ATP6V1E1: variants seen among roughly 807,000 people sequenced by gnomAD.
ATP6V1E1 encodes the protein ATPase H+ transporting V1 subunit E1, also known as V-type proton ATPase subunit E 1.
ATP6V1E1 carries 21 observed loss-of-function variants against 35.2 expected under a neutral mutation model. The observed-to-expected ratio is 0.60, with a 90% CI of 0.42 to 0.86. The LOEUF is 0.86. Among genes scored for constraint, ATP6V1E1 ranks in the 40% least tolerant of loss-of-function variants. The pLI is 0.00. For missense variants in ATP6V1E1, 183 were observed against 272.6 expected (o/e 0.67, Z 2.32); for synonymous variants, 83 against 87.8 (o/e 0.95, Z 0.30).
chr22:17,599,313 G>A (rs2111348), intron 6 of ATP6V1E1, among the ~76,000 whole-genome samples: 77,549 of 150,414 alleles, frequency 0.52, 21,583 homozygotes, highest in African/African-American at 0.73. Flanking sequence ...ACGGTGGCTC[G>A]CACCTGTAAT....
At chr22:17,597,243 TA>T (rs113528640) in intron 7 of ATP6V1E1, among the ~76,000 whole-genome samples, 2,220 of 139,790 alleles carry the variant, frequency 0.016, 41 homozygotes, top group African/African-American at 0.047. Flanking sequence ...CTGCCTGTCT[TA>T]AAAAAAAAAA....
intron 6 of ATP6V1E1, 90 bp downstream of exon 6, chr22:17,599,937 A>C: frequency 9.6e-7 from 1 of 1,040,084 alleles, no homozygotes; most frequent in Non-Finnish European, 1.4e-6. Context: ...AAAAAAAGAA[A>C]AGGAAGGAAG....
chr22:17,592,401 C>T lies in ATP6V1E1; in HGVS notation c.*273G>A. ...TGGAGACCCAGGAAGCCCATGCAAC[C>T]ACCATCTGCCCCCTCCCCTAGTGCT... On this transcript the variant is annotated 3_prime_UTR_variant, in exon 9 of 9. Coordinates refer to ENST00000253413, the MANE Select transcript of ATP6V1E1 (RefSeq NM_001696.4). 1 of 451,124 alleles carries T rather than the reference C, an allele frequency of 2.2e-6. No individual in the cohort carries two copies. Among genetic ancestry groups the T allele is most frequent in the African/African-American group, 2.0e-5 (1 of 50,378 alleles). 27.9% of individuals were successfully genotyped at this position (451,124 alleles called of 1,614,324 possible).
At chr22:17,627,429 C>T (rs1298096797) in intron 1 of ATP6V1E1, among the ~76,000 whole-genome samples, 1 of 151,866 alleles carries the variant, frequency 6.6e-6, no homozygotes, top group Admixed American at 6.6e-5. Context: ...ATGCCCGGCC[C>T]CAGCCTGTAT....
chr22:17,628,476 G>C (rs1257890179), intron 1 of ATP6V1E1, 127 bp downstream of exon 1: 3 of 1,317,894 alleles, frequency 2.3e-6, no homozygotes, highest in Non-Finnish European at 3.2e-6. Flanking sequence ...TGGATCTGGT[G>C]ACTTGGAGCA....
At chr22:17,596,669 C>T (rs76068291) in intron 7 of ATP6V1E1, among the ~76,000 whole-genome samples, 3,586 of 152,138 alleles carry the variant, frequency 0.024, 172 homozygotes, top group African/African-American at 0.082. Context: ...ACTGAATAAA[C>T]GAGTCCAAGA....
rs560432289 is a variant in ATP6V1E1 at position 17,598,129 on chromosome 22, G to C, written c.530+65C>G. The C allele has an allele frequency of 5.6e-6, 7 of 1,253,994 alleles. No individual in the cohort carries two copies. The South Asian group carries it at 6.1e-5, about 11-fold the overall frequency. 77.7% of individuals were successfully genotyped at this position (1,253,994 alleles called of 1,614,324 possible). A position where few individuals can be genotyped will look rare whatever the true frequency, so the allele number is the denominator to read the frequency against. ...ATGGTGAAAATACCATTTAAAAAAG[G>C]CCTGGTATAAAGGCCACTCTCCCAG... On this transcript the variant is annotated intron_variant, in intron 7 of 8. Coordinates refer to ENST00000253413, the MANE Select transcript of ATP6V1E1 (RefSeq NM_001696.4).
chr22:17,601,229 G>T, intron 4 of ATP6V1E1, 48 bp from the exon 5 acceptor site: 3 of 1,494,390 alleles, frequency 2.0e-6, no homozygotes, highest in Non-Finnish European at 2.8e-6. Context: ...CTGGGCAGTC[G>T]GCTCAGAACC....
intron 1 of ATP6V1E1, among the ~76,000 whole-genome samples, chr22:17,627,833 GAAAA>G (rs1480797184): frequency 7.8e-6 from 1 of 128,908 alleles, no homozygotes; most frequent in Non-Finnish European, 1.6e-5. Context: ...AAAAAAAAAA[GAAAA>G]AAAGAAAAAA....
At chr22:17,615,630 T>A (rs1360333764) in intron 2 of ATP6V1E1, among the ~76,000 whole-genome samples, 1 of 148,712 alleles carries the variant, frequency 6.7e-6, no homozygotes, top group Non-Finnish European at 1.5e-5. Context: ...GCGATAGAGG[T>A]GGCTCACGCC....
intron 4 of ATP6V1E1, among the ~76,000 whole-genome samples, chr22:17,609,660 T>G (rs1333801672): frequency 1.3e-5 from 2 of 150,430 alleles, no homozygotes; most frequent in African/African-American, 4.9e-5. Context: ...AGTGGAGACG[T>G]GGTTTCACCG....
In ATP6V1E1 at chr22:17,592,484, T is replaced by C. The variant is rs2057707739; in HGVS notation, c.*190A>G. 1.6e-6 allele frequency: 1 copy of C among 630,564 alleles called. No individual in the cohort carries two copies. The highest frequency in any genetic ancestry group is 2.8e-5 in the Admixed American group (1 of 35,868). The allele number at this position is 630,564 out of a possible 1,614,324, so 39.1% of individuals were successfully genotyped here. On this transcript the variant is annotated 3_prime_UTR_variant, in exon 9 of 9. Coordinates refer to ENST00000253413, the MANE Select transcript of ATP6V1E1 (RefSeq NM_001696.4). ...AAGAACTGGAGGTGGGTCCTGATCA[T>C]ATTACATGAAGCTTTCCACCATTGT...
At chr22:17,628,054 G>A (rs1358378602) in intron 1 of ATP6V1E1, among the ~76,000 whole-genome samples, 2 of 148,986 alleles carry the variant, frequency 1.3e-5, no homozygotes, top group Admixed American at 1.3e-4. Flanking sequence ...GCGCGATCTC[G>A]GCTAACTGCA....
At chr22:17,615,566 C>T (rs758693035) in intron 2 of ATP6V1E1, among the ~76,000 whole-genome samples, 1 of 151,826 alleles carries the variant, frequency 6.6e-6, no homozygotes, top group Non-Finnish European at 1.5e-5. Context: ...TCGCTTGAAC[C>T]CAGGAGGCAG....
intron 1 of ATP6V1E1, among the ~76,000 whole-genome samples, chr22:17,627,914 T>A (rs1470387644): frequency 6.7e-6 from 1 of 149,882 alleles, no homozygotes; most frequent in Non-Finnish European, 1.5e-5. Context: ...CCCTCCGCAC[T>A]GTTTCCTATC....
At chr22:17,618,154 A>G (rs1190142294) in intron 2 of ATP6V1E1, among the ~76,000 whole-genome samples, 2 of 152,198 alleles carry the variant, frequency 1.3e-5, no homozygotes, top group Non-Finnish European at 2.9e-5. Flanking sequence ...CAAAAAAGCT[A>G]AACAATGAAA....
chr22:17,619,863 AAC>A (rs1158638952), intron 1 of ATP6V1E1, among the ~76,000 whole-genome samples: 2 of 152,362 alleles, frequency 1.3e-5, no homozygotes, highest in African/African-American at 2.4e-5. Context: ...AATACTCAAT[AAC>A]ACAGATAAAT....
At chr22:17,624,775 C>T (rs138613784) in intron 1 of ATP6V1E1, among the ~76,000 whole-genome samples, 12 of 152,000 alleles carry the variant, frequency 7.9e-5, no homozygotes, top group African/African-American at 2.9e-4. Flanking sequence ...AAGCTGAGAT[C>T]GCGCCACTGC....
intron 5 of ATP6V1E1, among the ~76,000 whole-genome samples, chr22:17,600,440 A>C (rs2057756858): frequency 6.6e-6 from 1 of 152,116 alleles, no homozygotes; most frequent in South Asian, 2.1e-4. Context: ...CTGTCTCCAA[A>C]AATAAAAATA....
Sources: gnomAD v4.1 joint callset for allele counts (sites outside exome capture counted in the v4.1 genomes callset) on GRCh38, gnomAD v4.1.1 for gene constraint, MANE v1.5 for transcripts, NCBI Gene and HGNC (gene_info 2026-07-23, HGNC 2026-07-21) for gene names.